DOCK11: variants seen among roughly 807,000 people sequenced by gnomAD.
DOCK11 encodes dedicator of cytokinesis protein 11.
A neutral mutation model predicts 169.1 loss-of-function variants in DOCK11; 70 were observed. That is an observed-to-expected ratio of 0.41 (90% CI 0.34 to 0.51). DOCK11 has a LOEUF of 0.51. DOCK11 is among the 20% of genes least tolerant of loss of function. The pLI is 0.10. For synonymous variants in DOCK11, 529 were observed against 541.3 expected (o/e 0.98, Z 0.32); for missense variants, 1,166 against 1,538.8 (o/e 0.76, Z 4.05).
intron 10 of DOCK11, among the ~76,000 whole-genome samples, chrX:118,570,833 T>A (rs937782310): frequency 8.9e-6 from 1 of 112,109 alleles, no homozygotes; most frequent in Non-Finnish European, 1.9e-5. Flanking sequence ...AGAATATAAG[T>A]CTGTTCAGAC....
chrX:118,671,688 A>T (rs924598213), intron 46 of DOCK11, among the ~76,000 whole-genome samples: 7 of 105,200 alleles, frequency 6.7e-5, no homozygotes, highest in Non-Finnish European at 1.2e-4. Flanking sequence ...GAAAAAAAAA[A>T]TTTTTTTTTG....
chrX:118,573,914 T>A lies in DOCK11; in HGVS notation c.1285T>A (p.Trp429Arg). Residue 429 changes from tryptophan to arginine, a missense_variant, in exon 12 of 53, where the codon TGG (tryptophan) becomes AGG (arginine). Transcript: ENST00000276202. The part of the protein sequence containing the change: ...LNPPSVREML[W>R]GSSTQLASDG... The stretch of plus-strand genomic sequence containing the variant: ...TCCCCCATCTGTCCGTGAAATGCTG[T>A]GGGGCTCTTCAACCCAACTGGCCAG... 1.7e-6 allele frequency: 2 copies of A among 1,211,748 alleles called. No individual in the cohort carries two copies. Among genetic ancestry groups the A allele is most frequent in the Non-Finnish European group, 2.2e-6 (2 of 895,368 alleles).
chrX:118,577,474 T>C (rs1417478303), intron 12 of DOCK11, among the ~76,000 whole-genome samples: 2 of 112,562 alleles, frequency 1.8e-5, no homozygotes, highest in East Asian at 5.5e-4. Context: ...GTGACTTGCT[T>C]AAACCCATAA....
rs759669629 is a variant in DOCK11, at chrX:118,561,360, A to G, written c.559-23A>G. 47 of 1,155,789 alleles carry G rather than the reference A, an allele frequency of 4.1e-5. No homozygotes were observed. The South Asian group carries it at 9.4e-4, about 23-fold the overall frequency. On this transcript the variant is annotated intron_variant, in intron 6 of 52. Coordinates refer to ENST00000276202, the MANE Select transcript of DOCK11 (RefSeq NM_144658.4). ...GCAATGTATATGTAACAAATGTATCATTGCTGGGTTTTCCCCATGTAGGTA... is the reference window on the plus strand; with the variant it reads ...GCAATGTATATGTAACAAATGTATCGTTGCTGGGTTTTCCCCATGTAGGTA...
intron 14 of DOCK11, among the ~76,000 whole-genome samples, chrX:118,582,288 C>T (rs2013673127): frequency 1.8e-5 from 2 of 111,648 alleles, no homozygotes; most frequent in African/African-American, 6.5e-5. Context: ...AAATTATTTT[C>T]CAAGTTCACA....
chrX:118,528,929 G>A (rs2011444668), intron 1 of DOCK11, among the ~76,000 whole-genome samples: 1 of 110,166 alleles, frequency 9.1e-6, no homozygotes, highest in African/African-American at 3.3e-5. Flanking sequence ...TTGAGTCATC[G>A]ACTTCTTCTC....
At chrX:118,645,661 C>CA (rs751725571) in intron 40 of DOCK11, among the ~76,000 whole-genome samples, 6 of 106,332 alleles carry the variant, frequency 5.6e-5, no homozygotes, top group African/African-American at 2.1e-4. Context: ...GATTTCGTCT[C>CA]AAAAAAAAGA....
intron 44 of DOCK11, among the ~76,000 whole-genome samples, chrX:118,657,620 C>T (rs952135124): frequency 2.7e-5 from 3 of 111,854 alleles, no homozygotes; most frequent in Non-Finnish European, 5.6e-5. Flanking sequence ...ATCCAAAACA[C>T]CTTTTTTTTC....
At chrX:118,535,926 A>C (rs1327437111) in intron 1 of DOCK11, among the ~76,000 whole-genome samples, 1 of 111,799 alleles carries the variant, frequency 8.9e-6, no homozygotes, top group Non-Finnish European at 1.9e-5. Flanking sequence ...AGAGACAAAG[A>C]GATGAGCTGC....
intron 20 of DOCK11, among the ~76,000 whole-genome samples, chrX:118,594,107 G>A (rs902495910): frequency 1.8e-5 from 2 of 111,599 alleles, no homozygotes; most frequent in African/African-American, 6.5e-5. Context: ...TAGTTCTAAT[G>A]AGAAGATAAC....
intron 6 of DOCK11, among the ~76,000 whole-genome samples, chrX:118,549,725 G>T (rs1261420726): frequency 1.1e-5 from 1 of 86,998 alleles, no homozygotes; most frequent in Non-Finnish European, 1.9e-5. Context: ...AGCTAATTTT[G>T]TTTGTTTGTT....
chrX:118,573,484 C>T (rs937958655), intron 11 of DOCK11, among the ~76,000 whole-genome samples: 2 of 112,483 alleles, frequency 1.8e-5, no homozygotes, highest in Non-Finnish European at 3.8e-5. Context: ...TTTCAGTAAA[C>T]GTGTAGCGAA....
intron 6 of DOCK11, among the ~76,000 whole-genome samples, 192 bp from the exon 7 acceptor site, chrX:118,561,191 T>C (rs2012896937): frequency 8.9e-6 from 1 of 112,007 alleles, no homozygotes; most frequent in Non-Finnish European, 1.9e-5. Flanking sequence ...TAACTGAGGG[T>C]AAATCATGTG....
intron 46 of DOCK11, 25 bp from the exon 47 acceptor site, chrX:118,675,911 T>C (rs1177587596): frequency 7.4e-6 from 7 of 939,672 alleles, no homozygotes; most frequent in Non-Finnish European, 1.0e-5. Flanking sequence ...AAAACAAAGC[T>C]GATTTGTATA....
intron 46 of DOCK11, among the ~76,000 whole-genome samples, chrX:118,673,048 A>G (rs897477468): frequency 2.7e-5 from 3 of 111,984 alleles, no homozygotes; most frequent in Non-Finnish European, 5.6e-5. Flanking sequence ...CCTCCTATCA[A>G]AGCATTACAT....
At chrX:118,622,221 G>A (rs1449494688) in intron 31 of DOCK11, among the ~76,000 whole-genome samples, 1 of 111,737 alleles carries the variant, frequency 8.9e-6, no homozygotes, top group East Asian at 2.8e-4. Context: ...CTACTCTTGT[G>A]AGTTTATTTA....
At chrX:118,597,019 C>G (rs1445800439) in intron 20 of DOCK11, among the ~76,000 whole-genome samples, 1 of 112,075 alleles carries the variant, frequency 8.9e-6, no homozygotes, top group African/African-American at 3.2e-5. Flanking sequence ...ACTCTGCACT[C>G]TTAGTGTAAG....
intron 5 of DOCK11, among the ~76,000 whole-genome samples, 163 bp downstream of exon 5, chrX:118,545,555 T>A (rs1030088586): frequency 2.6e-4 from 29 of 111,521 alleles, no homozygotes; most frequent in Admixed American, 4.8e-4. Flanking sequence ...ATTTTTTTTT[T>A]AATTACTGTA....
intron 6 of DOCK11, among the ~76,000 whole-genome samples, chrX:118,547,808 G>A (rs965865788): frequency 8.9e-6 from 1 of 112,204 alleles, no homozygotes; most frequent in Admixed American, 9.4e-5. Flanking sequence ...AGAAATGTAC[G>A]TGAAGGTTAC....
Sources: gnomAD v4.1 joint callset for allele counts (sites outside exome capture counted in the v4.1 genomes callset) on GRCh38, gnomAD v4.1.1 for gene constraint, MANE v1.5 for transcripts, NCBI Gene and HGNC (gene_info 2026-07-23, HGNC 2026-07-21) for gene names.